Variants in ATOSB observed in about 807,000 individuals in gnomAD.
The protein encoded by ATOSB is atos homolog protein B.
the ATOSB span, chr9:35,109,999 CAG>C: frequency 6.6e-6 from 1 of 150,654 alleles, no homozygotes; most frequent in East Asian, 2.0e-4. Context: ...ATGAGAGAAG[CAG>C]AGAGATTAAT....
the ATOSB span, chr9:35,108,544 G>C: frequency 8.1e-7 from 1 of 1,227,246 alleles, no homozygotes; most frequent in Non-Finnish European, 1.0e-6. Context: ...GACAGGTTTA[G>C]CTCAGGCTTC....
At chr9:35,105,964 G>A in the ATOSB span, 1 of 1,614,056 alleles carries the variant, frequency 6.2e-7, no homozygotes, top group Non-Finnish European at 8.5e-7. The surrounding 1 kb of genome is among the most constrained non-coding windows in gnomAD (Gnocchi z 5.5). Context: ...CCCACCTTGG[G>A]CACGCTGTAA....
the ATOSB span, chr9:35,108,550 G>T: frequency 1.6e-6 from 2 of 1,224,120 alleles, no homozygotes; most frequent in Non-Finnish European, 1.0e-6. Context: ...TTTAGCTCAG[G>T]CTTCTTACTG....
At chr9:35,105,118 T>C in the ATOSB span, 1 of 1,295,162 alleles carries the variant, frequency 7.7e-7, no homozygotes, top group Non-Finnish European at 1.0e-6. The surrounding 1 kb of genome is among the most constrained non-coding windows in gnomAD (Gnocchi z 5.5). Flanking sequence ...GTGAGGGCTT[T>C]AATTCAAGCC....
At chr9:35,105,917 C>T in the ATOSB span, 1 of 1,614,044 alleles carries the variant, frequency 6.2e-7, no homozygotes, top group Non-Finnish European at 8.5e-7. This position sits in a 1 kb window ranked among gnomAD's most constrained non-coding sequence, Gnocchi z 5.5. Flanking sequence ...TCTCCCCACT[C>T]CCACTCCCTC....
At chr9:35,106,215 T>A in the ATOSB span, 1 of 1,611,918 alleles carries the variant, frequency 6.2e-7, no homozygotes, top group Non-Finnish European at 8.5e-7. The surrounding 1 kb of genome is among the most constrained non-coding windows in gnomAD (Gnocchi z 4.6). Context: ...CCTCATCCTC[T>A]TGATGAGCTG....
the ATOSB span, chr9:35,115,783 C>T: frequency 6.6e-6 from 1 of 152,344 alleles, no homozygotes; most frequent in Admixed American, 6.5e-5. Flanking sequence ...GTCCCTTCTT[C>T]CACGCTCACC....
the ATOSB span, among the ~76,000 whole-genome samples, chr9:35,113,364 G>A: frequency 3.3e-5 from 5 of 152,136 alleles, no homozygotes; most frequent in South Asian, 8.3e-4. Flanking sequence ...GGTGGCTCAC[G>A]CCTGTAATCC....
chr9:35,111,617 C>G, the ATOSB span: 2 of 151,882 alleles, frequency 1.3e-5, no homozygotes, highest in Non-Finnish European at 1.5e-5. Flanking sequence ...CAGTGCCCCA[C>G]CACCCGCGCC....
At chr9:35,113,993 T>G in the ATOSB span, among the ~76,000 whole-genome samples, 1 of 152,204 alleles carries the variant, frequency 6.6e-6, no homozygotes, top group Non-Finnish European at 1.5e-5. Context: ...TAGCCATAAA[T>G]TTCCAAACCT....
At chr9:35,105,879 T>C in the ATOSB span, 5 of 1,613,846 alleles carry the variant, frequency 3.1e-6, no homozygotes, top group Non-Finnish European at 4.2e-6. This position sits in a 1 kb window ranked among gnomAD's most constrained non-coding sequence, Gnocchi z 5.5. Flanking sequence ...ACAGTCAAGG[T>C]TGGTAGGGCC....
chr9:35,114,771 C>T, the ATOSB span, among the ~76,000 whole-genome samples: 1 of 152,196 alleles, frequency 6.6e-6, no homozygotes, highest in African/African-American at 2.4e-5. Flanking sequence ...CCCACAGAAG[C>T]CCTAGCGTTC....
At chr9:35,112,466 C>A in the ATOSB span, 1 of 152,204 alleles carries the variant, frequency 6.6e-6, no homozygotes, top group Non-Finnish European at 1.5e-5. Flanking sequence ...TATCCACCCT[C>A]CCACTGAGTC....
At chr9:35,107,333 A>AC in the ATOSB span, 2 of 1,552,554 alleles carry the variant, frequency 1.3e-6, no homozygotes, top group Non-Finnish European at 8.6e-7. Flanking sequence ...AAAAAAAAAA[A>AC]AAAAAAAAAA....
chr9:35,106,248 A>T, the ATOSB span: 1 of 1,613,432 alleles, frequency 6.2e-7, no homozygotes, highest in African/African-American at 1.3e-5. The surrounding 1 kb of genome is among the most constrained non-coding windows in gnomAD (Gnocchi z 4.6). Context: ...GAGTCAAGGC[A>T]TACCAGGAAG....
the ATOSB span, chr9:35,106,999 A>G: frequency 1.4e-4 from 128 of 946,422 alleles, no homozygotes; most frequent in Middle Eastern, 4.5e-4. The surrounding 1 kb of genome is among the most constrained non-coding windows in gnomAD (Gnocchi z 4.6). Context: ...CCAGGCCTCC[A>G]CCTTTACCCA....
At chr9:35,107,751 G>T in the ATOSB span, 1 of 1,573,598 alleles carries the variant, frequency 6.4e-7, no homozygotes, top group Non-Finnish European at 8.6e-7. Flanking sequence ...GGCTGGCCCT[G>T]GGGACTCCCC....
the ATOSB span, chr9:35,107,896 C>G: frequency 6.3e-7 from 1 of 1,594,572 alleles, no homozygotes; most frequent in East Asian, 2.2e-5. Flanking sequence ...CTTCTCTGTT[C>G]CACAACACAG....
the ATOSB span, chr9:35,106,224 T>C: frequency 8.8e-3 from 14,155 of 1,612,500 alleles, 77 homozygotes; most frequent in Non-Finnish European, 0.011. The surrounding 1 kb of genome is among the most constrained non-coding windows in gnomAD (Gnocchi z 4.6). Flanking sequence ...CTTGATGAGC[T>C]GACTTTGGGG....
Sources: gnomAD v4.1 joint callset for allele counts (sites outside exome capture counted in the v4.1 genomes callset) on GRCh38, gnomAD v4.1.1 for gene constraint, Gnocchi (gnomAD v3.1) non-coding constraint, MANE v1.5 for transcripts, NCBI Gene and HGNC (gene_info 2026-07-23, HGNC 2026-07-21) for gene names.